The following SUPT3H variants were observed in gnomAD, a reference collection of about 807,000 sequenced individuals.
SUPT3H encodes the protein SPT3 homolog, SAGA and STAGA complex component, also known as transcription initiation protein SPT3 homolog.
In SUPT3H, 44 loss-of-function variants were observed where a neutral mutation model predicts 44.3. That is an observed-to-expected ratio of 0.99 (90% CI 0.78 to 1.28). The LOEUF (loss-of-function observed/expected upper bound fraction) is 1.28. Ranked by LOEUF, SUPT3H falls within the 50% of genes most tolerant of loss-of-function variation. The pLI, the probability that SUPT3H is intolerant of heterozygous loss-of-function variation, is 0.00. For synonymous variants in SUPT3H, 124 were observed against 125.6 expected (o/e 0.99, Z 0.09); for missense variants, 380 against 387.1 (o/e 0.98, Z 0.15).
At chr6:45,047,260 G>A (rs6458418) in intron 3 of SUPT3H, among the ~76,000 whole-genome samples, 52,571 of 151,948 alleles carry the variant, frequency 0.35, 10,119 homozygotes, top group Non-Finnish European at 0.43. Flanking sequence ...GGTGAAAGGA[G>A]CATCCTTGCC....
chr6:45,363,776 T>G (rs1232678381), intron 2 of SUPT3H, among the ~76,000 whole-genome samples: 1 of 152,094 alleles, frequency 6.6e-6, no homozygotes, highest in Non-Finnish European at 1.5e-5. Context: ...TATGTCAAAT[T>G]TATTGGCATC....
chr6:45,121,661 T>G (rs1470116478), intron 2 of SUPT3H, among the ~76,000 whole-genome samples: 1 of 152,090 alleles, frequency 6.6e-6, no homozygotes, highest in Non-Finnish European at 1.5e-5. Flanking sequence ...TATAGATTTT[T>G]TTTGGGTTTT....
At chr6:45,070,388 G>A (rs1794183690) in intron 3 of SUPT3H, among the ~76,000 whole-genome samples, 1 of 152,026 alleles carries the variant, frequency 6.6e-6, no homozygotes, top group South Asian at 2.1e-4. Flanking sequence ...ATCTTATTTG[G>A]TATTCAGAAG....
At chr6:45,283,080 A>G (rs1239092931) in intron 2 of SUPT3H, among the ~76,000 whole-genome samples, 1 of 152,224 alleles carries the variant, frequency 6.6e-6, no homozygotes, top group East Asian at 1.9e-4. Flanking sequence ...GAGCTCCTGA[A>G]GGAAGCACTA....
chr6:44,945,770 C>A (rs572643220), intron 9 of SUPT3H, among the ~76,000 whole-genome samples: 13 of 152,166 alleles, frequency 8.5e-5, no homozygotes, highest in African/African-American at 2.9e-4. Flanking sequence ...GGTGAAGCAG[C>A]GAATGATGAT....
intron 7 of SUPT3H, among the ~76,000 whole-genome samples, chr6:44,958,151 T>C (rs983034266): frequency 1.3e-5 from 2 of 152,252 alleles, no homozygotes; most frequent in African/African-American, 4.8e-5. Flanking sequence ...CAAAAGTTCC[T>C]AGGATTATTA....
chr6:44,914,516 A>C (rs142553471), intron 10 of SUPT3H, among the ~76,000 whole-genome samples: 2 of 152,348 alleles, frequency 1.3e-5, no homozygotes, highest in East Asian at 1.9e-4. Flanking sequence ...CCTTGGATTC[A>C]TGAGGAATCA....
chr6:44,830,021 TTCTG>T, intron 10 of SUPT3H, 164 bp from the exon 11 acceptor site: 1 of 633,478 alleles, frequency 1.6e-6, no homozygotes, highest in South Asian at 2.0e-5. Flanking sequence ...ATAGCAACCA[TTCTG>T]TCTATTAAAA....
chr6:45,204,056 G>A (rs963325150), intron 2 of SUPT3H, among the ~76,000 whole-genome samples: 10 of 152,000 alleles, frequency 6.6e-5, no homozygotes, highest in Non-Finnish European at 1.3e-4. Context: ...AAGACCAGCT[G>A]GCCAACATTG....
intron 2 of SUPT3H, among the ~76,000 whole-genome samples, chr6:45,325,913 G>A (rs992739531): frequency 1.2e-4 from 18 of 151,690 alleles, no homozygotes; most frequent in African/African-American, 4.4e-4. Flanking sequence ...AAATTCATGT[G>A]GATAATGAAT....
At chr6:45,252,201 T>G (rs577279991) in intron 2 of SUPT3H, among the ~76,000 whole-genome samples, 1 of 152,282 alleles carries the variant, frequency 6.6e-6, no homozygotes, top group South Asian at 2.1e-4. Flanking sequence ...TTAGTCTCAT[T>G]TGTAGAAAGA....
chr6:45,025,837 A>C (rs13202529), intron 3 of SUPT3H, among the ~76,000 whole-genome samples: 55,164 of 150,396 alleles, frequency 0.37, 10,733 homozygotes, highest in Admixed American at 0.43. Context: ...GAGCTGAGAT[A>C]GCGCCACTGC....
chr6:44,989,143 G>A (rs1053514538), intron 6 of SUPT3H, among the ~76,000 whole-genome samples: 1 of 152,034 alleles, frequency 6.6e-6, no homozygotes, highest in East Asian at 1.9e-4. Context: ...ATGAGTTTGA[G>A]ATGACTGATA....
chr6:45,113,385 T>C (rs1244278063), intron 2 of SUPT3H, among the ~76,000 whole-genome samples: 2 of 152,242 alleles, frequency 1.3e-5, no homozygotes, highest in East Asian at 3.8e-4. Context: ...AGTCATTTAA[T>C]GCAATTGGAA....
intron 4 of SUPT3H, among the ~76,000 whole-genome samples, chr6:45,015,764 C>T (rs1184386488): frequency 6.6e-5 from 10 of 151,146 alleles, no homozygotes. Flanking sequence ...TTTTAAACTT[C>T]TCTGTTAAAA....
At chr6:45,365,107 C>T in intron 2 of SUPT3H, 94 bp downstream of exon 2, 4 of 760,010 alleles carry the variant, frequency 5.3e-6, no homozygotes, top group African/African-American at 1.8e-5. Flanking sequence ...AAATTATTTC[C>T]AAGTTAAGTT....
At chr6:45,207,939 C>G (rs961009079) in intron 2 of SUPT3H, among the ~76,000 whole-genome samples, 1 of 152,106 alleles carries the variant, frequency 6.6e-6, no homozygotes, top group African/African-American at 2.4e-5. Context: ...AGTTTTACTT[C>G]TTCTACTTTA....
intron 10 of SUPT3H, among the ~76,000 whole-genome samples, chr6:44,831,449 T>C (rs771359196): frequency 6.6e-6 from 1 of 152,172 alleles, no homozygotes; most frequent in African/African-American, 2.4e-5. Flanking sequence ...CAGGAATGCA[T>C]AGGGTGTCTT....
intron 3 of SUPT3H, among the ~76,000 whole-genome samples, chr6:45,077,626 C>CAAAAAAAA (rs70993493): frequency 0.38 from 12,805 of 33,992 alleles, 3,667 homozygotes; most frequent in East Asian, 0.69. Context: ...GACCTTGTTT[C>CAAAAAAAA]AAAAAAAAAA....
Sources: allele counts gnomAD v4.1 joint callset (sites outside exome capture counted in the v4.1 genomes callset), GRCh38; gene constraint gnomAD v4.1.1; transcripts MANE v1.5; gene names NCBI Gene and HGNC (gene_info 2026-07-23, HGNC 2026-07-21).